MTMR7: variants seen among roughly 807,000 people sequenced by gnomAD.
MTMR7 encodes phosphatidylinositol-3-phosphate phosphatase MTMR7.
In MTMR7, 76 loss-of-function variants were observed where a neutral mutation model predicts 81.2. That is an observed-to-expected ratio of 0.94 (90% CI 0.78 to 1.13). The LOEUF (loss-of-function observed/expected upper bound fraction) is 1.13, where lower values mean the gene tolerates loss of function less well. Among genes scored for constraint, MTMR7 ranks in the 50% most tolerant of loss-of-function variants. MTMR7 has a pLI of 0.00. For synonymous variants in MTMR7, 372 were observed against 289.8 expected, an observed-to-expected ratio of 1.28 and a Z score of -2.88; for missense variants, 1,044 against 820.0, an observed-to-expected ratio of 1.27 and a Z score of -3.34.
At position 17,300,122 on chromosome 8, in the gene MTMR7, T is replaced by G. The variant is rs1286705787; in HGVS notation, c.1723A>C (p.Ile575Leu). The change falls in exon 14 of 14, where the codon ATA becomes CTA. Residue 575 changes from isoleucine (I) to leucine (L), a missense_variant. By Grantham distance (5) the Ile-to-Leu change is conservative (BLOSUM62 2). Coordinates refer to ENST00000180173, the MANE Select transcript of MTMR7 (RefSeq NM_004686.5). Reference sequence around the variant, plus strand: ...CTGTAATCCTGGGGAGTGTTGGCTATGCTGTTGTCTGAGGTAGAAAACCCT... The same window carrying G: ...CTGTAATCCTGGGGAGTGTTGGCTAGGCTGTTGTCTGAGGTAGAAAACCCT... ...HSGFSTSDNS[I>L]ANTPQDYSGN... The G allele has an allele frequency of 6.2e-7, 1 of 1,614,172 alleles. No individual in the cohort carries two copies. Among genetic ancestry groups the G allele is most frequent in the South Asian group, 1.1e-5 (1 of 91,082 alleles).
intron 1 of MTMR7, among the ~76,000 whole-genome samples, chr8:17,395,947 T>A (rs1383269835): frequency 1.3e-5 from 2 of 152,156 alleles, no homozygotes; most frequent in Non-Finnish European, 2.9e-5. Flanking sequence ...CTGGGAAATG[T>A]ATTTAGAGTC....
chr8:17,325,266 C>CCTGA (rs1220296209), intron 7 of MTMR7, among the ~76,000 whole-genome samples: 3 of 152,258 alleles, frequency 2.0e-5, no homozygotes, highest in African/African-American at 7.2e-5. Flanking sequence ...CAACATGTGA[C>CCTGA]CGTCATACCC....
In MTMR7 at chr8:17,331,293, C is replaced by A; in HGVS notation, c.733-11G>T. On this transcript the variant is annotated splice_polypyrimidine_tract_variant and intron_variant, in intron 6 of 13. Coordinates refer to ENST00000180173, the MANE Select transcript of MTMR7 (RefSeq NM_004686.5). The stretch of plus-strand genomic sequence containing the variant: ...TGCCATTGCATTAAGCTGCAGTGGT[C>A]AGCAAAACAGAACAGTCATCAATTA... The A allele has an allele frequency of 1.3e-6, 2 of 1,578,082 alleles. No individual in the cohort carries two copies. Among genetic ancestry groups the A allele is most frequent in the South Asian group, 2.3e-5 (2 of 85,204 alleles).
At chr8:17,371,750 T>C (rs894517753) in intron 2 of MTMR7, among the ~76,000 whole-genome samples, 1 of 151,982 alleles carries the variant, frequency 6.6e-6, no homozygotes, top group Non-Finnish European at 1.5e-5. Flanking sequence ...TTGCAAATCA[T>C]AGTTGTACAC....
At chr8:17,399,132 C>A (rs141906253) in intron 1 of MTMR7, among the ~76,000 whole-genome samples, 204 of 151,036 alleles carry the variant, frequency 1.4e-3, no homozygotes, top group African/African-American at 4.8e-3. Flanking sequence ...CAAGCTAGAT[C>A]AATCAGACAA....
chr8:17,326,162 G>C (rs1260412500), intron 7 of MTMR7, among the ~76,000 whole-genome samples: 1 of 152,146 alleles, frequency 6.6e-6, no homozygotes, highest in African/African-American at 2.4e-5. Context: ...ACCTCGAGAG[G>C]CAGAAAAGCC....
intron 5 of MTMR7, 142 bp downstream of exon 5, chr8:17,348,811 T>C (rs2150547997): frequency 1.1e-6 from 1 of 952,170 alleles, no homozygotes; most frequent in Non-Finnish European, 1.6e-6. Flanking sequence ...TTGTATCATG[T>C]CATACCATGC....
intron 5 of MTMR7, among the ~76,000 whole-genome samples, chr8:17,342,179 T>C (rs530781165): frequency 5.3e-5 from 8 of 152,194 alleles, no homozygotes; most frequent in Non-Finnish European, 1.0e-4. Flanking sequence ...AGATGACATC[T>C]AGAAGAGCAG....
intron 4 of MTMR7, among the ~76,000 whole-genome samples, chr8:17,351,490 C>T (rs1173067906): frequency 6.6e-6 from 1 of 152,244 alleles, no homozygotes; most frequent in Non-Finnish European, 1.5e-5. Context: ...AAGAAGACCA[C>T]CTCCTGCCCT....
At chr8:17,386,440 A>G (rs1486671629) in intron 1 of MTMR7, among the ~76,000 whole-genome samples, 1 of 152,228 alleles carries the variant, frequency 6.6e-6, no homozygotes, top group African/African-American at 2.4e-5. Context: ...TTCCACCTCT[A>G]TCTCCTAGGA....
At chr8:17,307,023 G>GAC (rs1817498499) in intron 10 of MTMR7, among the ~76,000 whole-genome samples, 1 of 152,186 alleles carries the variant, frequency 6.6e-6, no homozygotes, top group African/African-American at 2.4e-5. Context: ...GGCAGCAAAA[G>GAC]ACAAAATTGA....
At chr8:17,399,666 C>T (rs1388973113) in intron 1 of MTMR7, among the ~76,000 whole-genome samples, 3 of 151,944 alleles carry the variant, frequency 2.0e-5, no homozygotes, top group African/African-American at 7.3e-5. Context: ...CTAGAATAGC[C>T]AAATGTATTC....
At position 17,331,142 on chromosome 8, in the gene MTMR7, T is replaced by C. The variant is rs1818978975; in HGVS notation, c.865+8A>G. ...CATTTTAATGCTGTGCATAAGGAAA[T>C]GGTTTACCTTCCAGCATTTTCTGCA... On this transcript the variant is annotated splice_region_variant and intron_variant, in intron 7 of 13. Coordinates refer to ENST00000180173, the MANE Select transcript of MTMR7 (RefSeq NM_004686.5). 1.2e-6 allele frequency: 2 copies of C among 1,609,392 alleles called. No individual in the cohort carries two copies. Among genetic ancestry groups the C allele is most frequent in the African/African-American group, 1.3e-5 (1 of 74,744 alleles).
intron 1 of MTMR7, among the ~76,000 whole-genome samples, chr8:17,406,101 T>C (rs1049370263): frequency 2.0e-5 from 3 of 152,140 alleles, no homozygotes; most frequent in African/African-American, 4.8e-5. Context: ...TTCTAGAAAA[T>C]ATACATAGAT....
chr8:17,378,878 A>G (rs1820673395), intron 1 of MTMR7, among the ~76,000 whole-genome samples: 1 of 152,184 alleles, frequency 6.6e-6, no homozygotes, highest in Admixed American at 6.5e-5. Flanking sequence ...TTGAAATGTG[A>G]TAAATTTAGT....
At chr8:17,322,629 G>A (rs987212190) in intron 7 of MTMR7, among the ~76,000 whole-genome samples, 9 of 152,064 alleles carry the variant, frequency 5.9e-5, no homozygotes, top group African/African-American at 2.2e-4. Context: ...AGATCAACCT[G>A]GGTAATGTAG....
intron 6 of MTMR7, among the ~76,000 whole-genome samples, chr8:17,336,724 G>C (rs1042867647): frequency 6.6e-6 from 1 of 152,244 alleles, no homozygotes; most frequent in East Asian, 1.9e-4. Context: ...CCTCGCCCTC[G>C]GCCCTTCTCT....
rs1221234896 is a variant in MTMR7 at position 17,358,840 on chromosome 8, G to T, written c.468+2277C>A. ...AAGTTGGGGGAAATTATACACATAAGGATACTATATCAAGAATTATTCATA... is the reference window on the plus strand; with the variant it reads ...AAGTTGGGGGAAATTATACACATAATGATACTATATCAAGAATTATTCATA... On this transcript the variant is annotated intron_variant, in intron 4 of 13. Coordinates refer to ENST00000180173, the MANE Select transcript of MTMR7 (RefSeq NM_004686.5). Among the ~76,000 whole-genome samples, 7 of 152,174 alleles carry T rather than the reference G, an allele frequency of 4.6e-5. No homozygotes were observed. In the East Asian group the frequency reaches 1.4e-3, roughly 29 times the overall value.
intron 1 of MTMR7, among the ~76,000 whole-genome samples, chr8:17,379,240 T>A (rs1223928902): frequency 6.6e-6 from 1 of 152,100 alleles, no homozygotes; most frequent in Non-Finnish European, 1.5e-5. Flanking sequence ...TCATAACCCA[T>A]GAAAGAGCAG....
Sources: gnomAD v4.1 joint callset for allele counts (sites outside exome capture counted in the v4.1 genomes callset) on GRCh38, gnomAD v4.1.1 for gene constraint, MANE v1.5 for transcripts, NCBI Gene and HGNC (gene_info 2026-07-23, HGNC 2026-07-21) for gene names.